S100Z: variants seen among roughly 807,000 people sequenced by gnomAD.
S100Z encodes protein S100-Z.
In S100Z, 11 loss-of-function variants were observed where a neutral mutation model predicts 8.5. That is an observed-to-expected ratio of 1.30 (90% CI 0.82 to 2.15). S100Z has a LOEUF of 2.15. Among genes scored for constraint, S100Z ranks in the 30% most tolerant of loss-of-function variants. The probability of loss-of-function intolerance (pLI) is 0.00; values close to 1 mark genes in which losing one functional copy is unlikely to be tolerated. For missense variants in S100Z, 126 were observed against 117.9 expected (o/e 1.07, Z -0.32); for synonymous variants, 34 against 43.8 (o/e 0.78, Z 0.89).
intron 4 of S100Z, among the ~76,000 whole-genome samples, chr5:76,911,025 A>G (rs111507143): frequency 0.023 from 3,435 of 152,250 alleles, 122 homozygotes; most frequent in African/African-American, 0.077. Flanking sequence ...ATGAGGAACA[A>G]GTTACCCATT....
At chr5:76,949,454 C>T in the S100Z span, among the ~76,000 whole-genome samples, 1 of 152,002 alleles carries the variant, frequency 6.6e-6, no homozygotes, top group Admixed American at 6.6e-5. Context: ...TTCAGCAAGC[C>T]CACTTCTGCG....
intron 4 of S100Z, among the ~76,000 whole-genome samples, chr5:76,891,285 T>C (rs1178004057): frequency 1.3e-5 from 2 of 152,228 alleles, no homozygotes; most frequent in African/African-American, 4.8e-5. Flanking sequence ...CCTGTGGTAT[T>C]TTTTAAAATA....
intron 4 of S100Z, among the ~76,000 whole-genome samples, chr5:76,911,517 T>G (rs527288835): frequency 6.6e-6 from 1 of 152,212 alleles, no homozygotes; most frequent in African/African-American, 2.4e-5. Context: ...TCTCAACTTA[T>G]GTGGACCGTC....
At chr5:76,852,513 T>C (rs753626637) in intron 1 of S100Z, among the ~76,000 whole-genome samples, 1 of 151,940 alleles carries the variant, frequency 6.6e-6, no homozygotes, top group Non-Finnish European at 1.5e-5. Context: ...AGTTTGAGAA[T>C]AGCCTGGCCA....
At chr5:76,906,078 C>T (rs1744413138) in intron 4 of S100Z, among the ~76,000 whole-genome samples, 1 of 152,310 alleles carries the variant, frequency 6.6e-6, no homozygotes, top group African/African-American at 2.4e-5. Context: ...AATTCCCCTG[C>T]CTTGGCCTCC....
At chr5:76,910,891 C>T (rs1475692941) in intron 4 of S100Z, among the ~76,000 whole-genome samples, 2 of 152,236 alleles carry the variant, frequency 1.3e-5, no homozygotes, top group Admixed American at 6.5e-5. Context: ...GTTTCTCCCA[C>T]CTCCTCAGTT....
chr5:76,875,456 G>T lies in S100Z; in HGVS notation c.97G>T (p.Glu33Ter). ...ERKRFKLSKG[E>*]LKLLLQRELT... ...GAAGAGATTCAAGCTCAGCAAGGGG[G>T]AACTGAAACTGCTCCTGCAGCGAGA... The change falls in exon 3 of 5, where the codon GAA becomes TAA. Residue 33 changes from glutamate (E) to a stop codon, truncating the protein, a stop_gained. Transcript: ENST00000317593. LOFTEE classifies it high-confidence loss of function. The T allele has an allele frequency of 6.2e-7, 1 of 1,612,326 alleles. No homozygotes were observed. Among genetic ancestry groups the T allele is most frequent in the Non-Finnish European group, 8.5e-7 (1 of 1,179,308 alleles).
At chr5:76,911,159 CAAAGGCAATATCCCTTA>C (rs1287981612) in intron 4 of S100Z, among the ~76,000 whole-genome samples, 2 of 152,176 alleles carry the variant, frequency 1.3e-5, no homozygotes, top group Admixed American at 6.5e-5. Flanking sequence ...TTTTCCTTAT[CAAAGGCAATATCCCTTA>C]AGGCCTGAAG....
chr5:76,918,720 A>C (rs994745113), intron 4 of S100Z, among the ~76,000 whole-genome samples: 3 of 152,206 alleles, frequency 2.0e-5, no homozygotes, highest in Non-Finnish European at 4.4e-5. Context: ...TGTAGTTTAC[A>C]CTAGGTTTCA....
chr5:76,911,497 A>G (rs1176183604), intron 4 of S100Z, among the ~76,000 whole-genome samples: 1 of 152,218 alleles, frequency 6.6e-6, no homozygotes, highest in Non-Finnish European at 1.5e-5. Context: ...AGGATCCCAC[A>G]GACCACACAT....
intron 1 of S100Z, among the ~76,000 whole-genome samples, chr5:76,853,999 A>G (rs1357616308): frequency 6.6e-6 from 1 of 151,978 alleles, no homozygotes; most frequent in Non-Finnish European, 1.5e-5. Flanking sequence ...GCCATGTAAG[A>G]TGTGCCTGCT....
chr5:76,896,595 G>T (rs1744045502), intron 4 of S100Z, among the ~76,000 whole-genome samples: 1 of 152,132 alleles, frequency 6.6e-6, no homozygotes, highest in Non-Finnish European at 1.5e-5. Context: ...TCAATTTTTA[G>T]TTTTTTGAGA....
At chr5:76,872,564 A>C (rs1328897040) in intron 2 of S100Z, among the ~76,000 whole-genome samples, 2 of 152,080 alleles carry the variant, frequency 1.3e-5, no homozygotes, top group East Asian at 3.9e-4. Flanking sequence ...AGGTGGCTGA[A>C]GCAGGAGGAT....
At chr5:76,915,021 TA>T (rs1169036795) in intron 4 of S100Z, among the ~76,000 whole-genome samples, 1 of 152,164 alleles carries the variant, frequency 6.6e-6, no homozygotes, top group Non-Finnish European at 1.5e-5. Flanking sequence ...TCCGGACACA[TA>T]AGGCCGGGCA....
chr5:76,863,585 C>T (rs992620749), intron 1 of S100Z, among the ~76,000 whole-genome samples: 1 of 152,124 alleles, frequency 6.6e-6, no homozygotes, highest in Non-Finnish European at 1.5e-5. Context: ...GTTGCCCAGG[C>T]TGGAGTGCAG....
At chr5:76,950,554 C>T in the S100Z span, among the ~76,000 whole-genome samples, 2 of 152,158 alleles carry the variant, frequency 1.3e-5, no homozygotes, top group African/African-American at 4.8e-5. Flanking sequence ...AAAGTATTAA[C>T]CCTGCCTAAC....
the S100Z span, among the ~76,000 whole-genome samples, chr5:76,937,015 A>T: frequency 6.6e-6 from 1 of 151,908 alleles, no homozygotes; most frequent in East Asian, 1.9e-4. Flanking sequence ...TCTGATCGTC[A>T]TACGCAAAAC....
At chr5:76,903,470 G>C (rs1744306338) in intron 4 of S100Z, among the ~76,000 whole-genome samples, 1 of 151,896 alleles carries the variant, frequency 6.6e-6, no homozygotes, top group Non-Finnish European at 1.5e-5. Context: ...AAAAAGATTT[G>C]GGTTGTTTCT....
the S100Z span, among the ~76,000 whole-genome samples, chr5:76,945,720 C>T: frequency 5.3e-5 from 8 of 152,146 alleles, no homozygotes; most frequent in African/African-American, 1.9e-4. Context: ...CCACTATCAC[C>T]CTGCTTTCCT....
Sources: gnomAD v4.1 joint callset for allele counts (sites outside exome capture counted in the v4.1 genomes callset) on GRCh38, gnomAD v4.1.1 for gene constraint, MANE v1.5 for transcripts, NCBI Gene and HGNC (gene_info 2026-07-23, HGNC 2026-07-21) for gene names.